Variants in DLGAP1 observed in about 807,000 individuals in gnomAD.
DLGAP1 encodes the protein DLG associated protein 1.
Under a neutral mutation model 90.8 loss-of-function variants are expected in DLGAP1, and 11 were observed. The observed-to-expected ratio is 0.12, with a 90% confidence interval of 0.08 to 0.20. The LOEUF (loss-of-function observed/expected upper bound fraction) is 0.20. Among genes scored for constraint, DLGAP1 ranks in the 10% least tolerant of loss-of-function variants. The probability of loss-of-function intolerance (pLI) is 1.00; values close to 1 mark genes in which losing one functional copy is unlikely to be tolerated. For synonymous variants in DLGAP1, 558 were observed against 540.7 expected (o/e 1.03, Z -0.44); for missense variants, 1,050 against 1,333.8 (o/e 0.79, Z 3.31).
intron 2 of DLGAP1, among the ~76,000 whole-genome samples, chr18:4,136,297 T>C (rs2076400338): frequency 6.6e-6 from 1 of 152,170 alleles, no homozygotes; most frequent in Admixed American, 6.5e-5. Context: ...TAGCTCTATT[T>C]TCAGTTTTTT....
At chr18:4,408,303 T>C (rs1181469477) in intron 1 of DLGAP1, among the ~76,000 whole-genome samples, 1 of 152,068 alleles carries the variant, frequency 6.6e-6, no homozygotes, top group African/African-American at 2.4e-5. Context: ...ACAGAGGTAC[T>C]ATGCCAGCCA....
intron 7 of DLGAP1, among the ~76,000 whole-genome samples, chr18:3,695,772 T>G (rs946565536): frequency 6.6e-6 from 1 of 152,192 alleles, no homozygotes; most frequent in African/African-American, 2.4e-5. Context: ...GGATAGCATT[T>G]AATCTATAAA....
At chr18:3,609,064 G>A (rs948370177) in intron 7 of DLGAP1, among the ~76,000 whole-genome samples, 2 of 152,062 alleles carry the variant, frequency 1.3e-5, no homozygotes, top group African/African-American at 4.8e-5. Context: ...TCAAACTCCT[G>A]AACTCAAGTG....
chr18:4,252,458 T>A (rs1458051072), intron 1 of DLGAP1, among the ~76,000 whole-genome samples: 1 of 152,194 alleles, frequency 6.6e-6, no homozygotes, highest in East Asian at 1.9e-4. Context: ...ACAGCTTCAC[T>A]GCATAAATTG....
At chr18:4,109,448 G>A (rs2075931741) in intron 2 of DLGAP1, among the ~76,000 whole-genome samples, 1 of 152,182 alleles carries the variant, frequency 6.6e-6, no homozygotes, top group Non-Finnish European at 1.5e-5. Flanking sequence ...TTCACAGGGT[G>A]ACTGGAATTA....
intron 1 of DLGAP1, among the ~76,000 whole-genome samples, chr18:4,203,898 C>A (rs2077662177): frequency 6.6e-6 from 1 of 152,166 alleles, no homozygotes; most frequent in South Asian, 2.1e-4. Context: ...CCGAGGAGGT[C>A]AGAAAGAACT....
At chr18:3,541,746 T>C (rs537852722) in intron 9 of DLGAP1, among the ~76,000 whole-genome samples, 20 of 152,216 alleles carry the variant, frequency 1.3e-4, no homozygotes, top group Non-Finnish European at 2.6e-4. Flanking sequence ...TTATAGTAGC[T>C]GACATTGTGC....
intron 1 of DLGAP1, among the ~76,000 whole-genome samples, chr18:4,310,407 T>C (rs1045975691): frequency 4.6e-5 from 7 of 152,232 alleles, no homozygotes; most frequent in Non-Finnish European, 7.3e-5. Flanking sequence ...AAAATTCCAA[T>C]TGCCATCTTC....
At chr18:4,149,514 G>T (rs1167307611) in intron 2 of DLGAP1, among the ~76,000 whole-genome samples, 1 of 152,160 alleles carries the variant, frequency 6.6e-6, no homozygotes, top group Non-Finnish European at 1.5e-5. Context: ...ACAGCTGCAG[G>T]GGAGTCTCCT....
intron 1 of DLGAP1, among the ~76,000 whole-genome samples, chr18:4,169,639 G>A (rs1033746152): frequency 6.6e-6 from 1 of 152,178 alleles, no homozygotes. Context: ...ATCAACTAGA[G>A]CTCAGCTTGC....
intron 5 of DLGAP1, among the ~76,000 whole-genome samples, chr18:3,801,953 C>T (rs113215089): frequency 0.014 from 2,045 of 146,812 alleles, 41 homozygotes; most frequent in African/African-American, 0.046. Context: ...CCACGCCACG[C>T]AGGCCATCTG....
intron 2 of DLGAP1, among the ~76,000 whole-genome samples, chr18:4,139,103 T>C (rs2076453282): frequency 6.6e-6 from 1 of 151,984 alleles, no homozygotes; most frequent in Non-Finnish European, 1.5e-5. Context: ...CATTGGTATT[T>C]TGTATTGTTT....
chr18:3,906,440 C>G (rs1458297829), intron 3 of DLGAP1, among the ~76,000 whole-genome samples: 1 of 152,178 alleles, frequency 6.6e-6, no homozygotes, highest in Non-Finnish European at 1.5e-5. Flanking sequence ...AAGGGACACT[C>G]TTTATTCCCC....
chr18:3,535,702 T>C (rs1307477256), intron 9 of DLGAP1, among the ~76,000 whole-genome samples: 2 of 143,770 alleles, frequency 1.4e-5, no homozygotes, highest in Non-Finnish European at 3.0e-5. Flanking sequence ...AGTGAGATTC[T>C]GTCTCAAAAA....
chr18:4,327,182 G>A (rs1424240936), intron 1 of DLGAP1, among the ~76,000 whole-genome samples: 1 of 152,028 alleles, frequency 6.6e-6, no homozygotes, highest in East Asian at 1.9e-4. Flanking sequence ...AATGTATTGT[G>A]TATTTCCCAA....
Position 3,580,485 on chromosome 18 carries a change from A to C in DLGAP1, c.1965+1390T>G, listed in dbSNP as rs567354932. On this transcript the variant is annotated intron_variant, in intron 8 of 12. Coordinates refer to ENST00000315677, the MANE Select transcript of DLGAP1 (RefSeq NM_004746.4). ...AGCCGCCACCTCTTCATTGTCCACA[A>C]GGTGAGAGACCAGGAGGAGGAGGAG... 79 of 1,608,648 alleles carry C rather than the reference A, an allele frequency of 4.9e-5. 1 individual carries two copies. The South Asian group carries it at 6.5e-4, about 13-fold the overall frequency.
intron 7 of DLGAP1, chr18:3,655,735 G>C (rs1349795149): frequency 8.5e-6 from 2 of 235,528 alleles, no homozygotes; most frequent in African/African-American, 2.2e-5. Context: ...ACCAGGCTCT[G>C]CTGAAAGATC....
At chr18:4,384,939 CT>C (rs1360902758) in intron 1 of DLGAP1, among the ~76,000 whole-genome samples, 8 of 152,124 alleles carry the variant, frequency 5.3e-5, no homozygotes, top group African/African-American at 1.9e-4. Flanking sequence ...ACCCCTGCTC[CT>C]TTTCTCTCCA....
intron 7 of DLGAP1, chr18:3,607,910 A>G (rs1474723526): frequency 6.6e-6 from 1 of 152,202 alleles, no homozygotes; most frequent in African/African-American, 2.4e-5. Flanking sequence ...ATGTTCTGGG[A>G]AAGTTTACCT....
Sources: allele counts gnomAD v4.1 joint callset (sites outside exome capture counted in the v4.1 genomes callset), GRCh38; gene constraint gnomAD v4.1.1; transcripts MANE v1.5; gene names NCBI Gene and HGNC (gene_info 2026-07-23, HGNC 2026-07-21).